PPARGC1A: variants seen among roughly 807,000 people sequenced by gnomAD.
PPARGC1A encodes the protein peroxisome proliferator-activated receptor gamma coactivator 1-alpha.
PPARGC1A carries 25 observed loss-of-function variants against 88.7 expected under a neutral mutation model. The observed-to-expected ratio is 0.28, with a 90% CI of 0.21 to 0.39. The LOEUF is 0.39. Ranked by LOEUF, PPARGC1A falls within the 10% of genes least tolerant of loss-of-function variation. PPARGC1A has a pLI of 1.00. For synonymous variants in PPARGC1A, 363 were observed against 355.6 expected (o/e 1.02, Z -0.24); for missense variants, 880 against 968.7 (o/e 0.91, Z 1.22).
the PPARGC1A span, among the ~76,000 whole-genome samples, chr4:24,342,930 T>C: frequency 2.0e-5 from 3 of 152,164 alleles, no homozygotes; most frequent in Admixed American, 6.5e-5. Flanking sequence ...TCCTCCAATA[T>C]TGGTGACAGA....
the PPARGC1A span, among the ~76,000 whole-genome samples, chr4:24,281,347 G>A: frequency 2.0e-5 from 3 of 152,348 alleles, no homozygotes; most frequent in South Asian, 6.2e-4. Flanking sequence ...TCTGGTGAGA[G>A]CCTCAGGCTG....
At chr4:24,116,380 C>T in the PPARGC1A span, among the ~76,000 whole-genome samples, 2 of 152,150 alleles carry the variant, frequency 1.3e-5, no homozygotes, top group African/African-American at 4.8e-5. Flanking sequence ...AACATATACA[C>T]GTGAACTTCA....
the PPARGC1A span, among the ~76,000 whole-genome samples, chr4:24,159,550 C>T: frequency 6.6e-6 from 1 of 152,112 alleles, no homozygotes; most frequent in South Asian, 2.1e-4. Flanking sequence ...CTTATAAATG[C>T]TAAAGCCCAT....
the PPARGC1A span, among the ~76,000 whole-genome samples, chr4:24,285,750 C>T: frequency 6.6e-6 from 1 of 152,188 alleles, no homozygotes; most frequent in African/African-American, 2.4e-5. Flanking sequence ...AGAATCTGTG[C>T]TCAACCATTT....
the PPARGC1A span, among the ~76,000 whole-genome samples, chr4:24,075,349 T>C: frequency 6.6e-6 from 1 of 152,240 alleles, no homozygotes; most frequent in Admixed American, 6.5e-5. Context: ...ATGCTTCTCA[T>C]GTTGGGTTAG....
At chr4:24,229,152 C>CTTTGTTTTTTTTTTTTTTTTTT in the PPARGC1A span, among the ~76,000 whole-genome samples, 1 of 60,894 alleles carries the variant, frequency 1.6e-5, no homozygotes. Flanking sequence ...GTATCTGGAC[C>CTTTGTTTTTTTTTTTTTTTTTT]TTTTTTTTTT....
the PPARGC1A span, among the ~76,000 whole-genome samples, chr4:24,165,101 G>C: frequency 6.6e-6 from 1 of 152,014 alleles, no homozygotes; most frequent in Non-Finnish European, 1.5e-5. Context: ...TTTGAGGAAA[G>C]CGAAATAATT....
chr4:24,354,914 GA>G, the PPARGC1A span, among the ~76,000 whole-genome samples: 1 of 145,448 alleles, frequency 6.9e-6, no homozygotes, highest in Non-Finnish European at 1.5e-5. Context: ...ACAAAAAACA[GA>G]AAAAAAACAC....
chr4:24,004,471 A>T, the PPARGC1A span, among the ~76,000 whole-genome samples: 3 of 152,316 alleles, frequency 2.0e-5, no homozygotes, highest in Non-Finnish European at 4.4e-5. Context: ...AAAGTCTTGT[A>T]CCACAGATAA....
the PPARGC1A span, among the ~76,000 whole-genome samples, chr4:24,470,145 G>T: frequency 1.3e-5 from 2 of 152,080 alleles, no homozygotes; most frequent in African/African-American, 4.8e-5. This position sits in a 1 kb window ranked among gnomAD's most constrained non-coding sequence, Gnocchi z 5.8. Flanking sequence ...CTCCAGGACT[G>T]GGGGGCGCGG....
the PPARGC1A span, among the ~76,000 whole-genome samples, chr4:24,446,558 C>T: frequency 1.3e-5 from 2 of 150,356 alleles, no homozygotes; most frequent in Admixed American, 1.3e-4. Flanking sequence ...AAGAAAAGGT[C>T]TCTCACAGAG....
the PPARGC1A span, among the ~76,000 whole-genome samples, chr4:24,129,478 G>T: frequency 5.9e-5 from 9 of 152,090 alleles, no homozygotes; most frequent in Admixed American, 5.2e-4. Context: ...CAGCTGTTTT[G>T]GAGAGGGTCA....
At chr4:23,865,276 G>A (rs190250301) in intron 2 of PPARGC1A, among the ~76,000 whole-genome samples, 1 of 152,134 alleles carries the variant, frequency 6.6e-6, no homozygotes, top group Non-Finnish European at 1.5e-5. Context: ...AATGTGACTG[G>A]CCAGCGTTTC....
intron 2 of PPARGC1A, among the ~76,000 whole-genome samples, chr4:23,832,144 T>C (rs986910179): frequency 1.3e-5 from 2 of 152,164 alleles, no homozygotes; most frequent in African/African-American, 2.4e-5. Flanking sequence ...TTTTCAGATA[T>C]AGTGTTTGAA....
At chr4:24,136,179 C>T in the PPARGC1A span, among the ~76,000 whole-genome samples, 2 of 152,156 alleles carry the variant, frequency 1.3e-5, no homozygotes, top group African/African-American at 4.8e-5. Flanking sequence ...TGTACAGGCA[C>T]TTAATTGAAC....
chr4:24,103,481 C>T, the PPARGC1A span, among the ~76,000 whole-genome samples: 812 of 151,956 alleles, frequency 5.3e-3, 7 homozygotes, highest in Middle Eastern at 0.027. Flanking sequence ...GCAGAGCCCT[C>T]CAACACAGAG....
chr4:24,293,830 T>C, the PPARGC1A span, among the ~76,000 whole-genome samples: 142 of 152,148 alleles, frequency 9.3e-4, no homozygotes, highest in African/African-American at 3.3e-3. Flanking sequence ...AAACACCTTC[T>C]ATTTTGAACT....
the PPARGC1A span, among the ~76,000 whole-genome samples, chr4:24,199,958 G>GA: frequency 2.6e-5 from 4 of 152,002 alleles, no homozygotes; most frequent in African/African-American, 9.7e-5. Flanking sequence ...AAACTGAGGG[G>GA]AAAACCTACA....
At chr4:23,966,154 C>T in the PPARGC1A span, among the ~76,000 whole-genome samples, 1 of 152,216 alleles carries the variant, frequency 6.6e-6, no homozygotes, top group Admixed American at 6.5e-5. Flanking sequence ...TGGGCACACA[C>T]TGGTCCACAT....
Sources: gnomAD v4.1 joint callset for allele counts (sites outside exome capture counted in the v4.1 genomes callset) on GRCh38, gnomAD v4.1.1 for gene constraint, Gnocchi (gnomAD v3.1) non-coding constraint, MANE v1.5 for transcripts, NCBI Gene and HGNC (gene_info 2026-07-23, HGNC 2026-07-21) for gene names.